Variants in PRPF6 observed in about 807,000 individuals in gnomAD.
The protein encoded by PRPF6 is pre-mRNA-processing factor 6.
PRPF6 carries 42 observed loss-of-function variants against 118.3 expected under a neutral mutation model. The observed-to-expected ratio is 0.35, with a 90% CI of 0.28 to 0.46. PRPF6 has a LOEUF of 0.46. Among genes scored for constraint, PRPF6 ranks in the 20% least tolerant of loss-of-function variants. PRPF6 has a pLI of 1.00. For synonymous variants in PRPF6, 481 were observed against 485.1 expected (o/e 0.99, Z 0.11); for missense variants, 662 against 1,255.7 (o/e 0.53, Z 7.15).
chr20:64,025,505 C>T (rs956668959), intron 14 of PRPF6, among the ~76,000 whole-genome samples: 1 of 152,252 alleles, frequency 6.6e-6, no homozygotes, highest in African/African-American at 2.4e-5. Context: ...GTCCTCTCTC[C>T]TGCCCATGTG....
intron 3 of PRPF6, among the ~76,000 whole-genome samples, chr20:63,992,521 C>T (rs987434597): frequency 6.6e-5 from 10 of 151,634 alleles, no homozygotes; most frequent in African/African-American, 2.2e-4. Context: ...CCTCCCAAAG[C>T]GTTGGGATTA....
chr20:64,005,458 C>T (rs947840219), intron 9 of PRPF6, among the ~76,000 whole-genome samples: 3 of 152,154 alleles, frequency 2.0e-5, no homozygotes, highest in Admixed American at 6.6e-5. Context: ...ACAACTGGGT[C>T]GTTCTGTGTC....
intron 8 of PRPF6, 30 bp from the exon 9 acceptor site, chr20:64,001,047 G>T: frequency 2.5e-6 from 4 of 1,612,548 alleles, no homozygotes; most frequent in Non-Finnish European, 3.4e-6. Context: ...CCTGCACTGA[G>T]CCTTATTGGT....
Position 64,028,533 on chromosome 20 carries a change from C to G in PRPF6, c.2395C>G (p.Leu799Val), listed in dbSNP as rs1420577204. The G allele has an allele frequency of 6.2e-7, 1 of 1,613,824 alleles. No individual in the cohort carries two copies. Among genetic ancestry groups the G allele is most frequent in the Non-Finnish European group, 8.5e-7 (1 of 1,180,012 alleles). Residue 799 changes from leucine to valine, a missense_variant, in exon 18 of 21, where the codon CTC becomes GTC. This residue lies in a region of PRPF6 where 244 missense variants were observed against 383.7 expected (regional missense o/e 0.64). Coordinates refer to ENST00000266079, the MANE Select transcript of PRPF6 (RefSeq NM_012469.4). The surrounding 1 kb of genome is among the most constrained non-coding windows in gnomAD (Gnocchi z 6.5). ...RAGLKNIANT[L>V]MAKALQECPN... ...GGGGCTGAAGAACATCGCAAATACA[C>G]TCATGGCCAAGGCGCTGCAGGAGTG...
intron 11 of PRPF6, among the ~76,000 whole-genome samples, chr20:64,014,282 G>A (rs544333067): frequency 6.6e-6 from 1 of 151,984 alleles, no homozygotes; most frequent in South Asian, 2.1e-4. Flanking sequence ...TTTTTTTCTG[G>A]ACATTTTATA....
Position 64,028,485 on chromosome 20 carries a change from TCCGTGCGGCTGGAGTA to T in PRPF6, c.2356_2371del (p.Leu786GlyfsTer2), listed in dbSNP as rs747473838. 19 of 1,613,588 alleles carry T rather than the reference TCCGTGCGGCTGGAGTA, an allele frequency of 1.2e-5. No homozygotes were observed. Among genetic ancestry groups the T allele is most frequent in the African/African-American group, 5.3e-5 (4 of 74,836 alleles). ...GGGGGCCTGTCTCCTCAGGTTGGAGTCCGTGCGGCTGGAGTACCGTGCGGGGCTGAAGAACATCGCA... is the reference window on the plus strand; with the variant it reads ...GGGGGCCTGTCTCCTCAGGTTGGAGTCCGTGCGGGGCTGAAGAACATCGCA... On this transcript the variant is annotated frameshift_variant, in exon 18 of 21. Coordinates refer to ENST00000266079, the MANE Select transcript of PRPF6 (RefSeq NM_012469.4). LOFTEE classifies it high-confidence loss of function. The surrounding 1 kb of genome is among the most constrained non-coding windows in gnomAD (Gnocchi z 6.5).
At chr20:64,013,879 T>G (rs533670506) in intron 11 of PRPF6, among the ~76,000 whole-genome samples, 1 of 152,272 alleles carries the variant, frequency 6.6e-6, no homozygotes, top group South Asian at 2.1e-4. Flanking sequence ...CAGAAAGAAA[T>G]CCTGTGTCCG....
chr20:63,992,548 C>T (rs149569380), intron 3 of PRPF6, among the ~76,000 whole-genome samples: 35 of 152,222 alleles, frequency 2.3e-4, no homozygotes, highest in African/African-American at 7.5e-4. Context: ...TAAGCCACCA[C>T]GCCTGGCCTT....
intron 3 of PRPF6, among the ~76,000 whole-genome samples, chr20:63,992,195 C>T (rs921977441): frequency 3.9e-5 from 6 of 152,168 alleles, no homozygotes; most frequent in African/African-American, 1.2e-4. Context: ...AGATGATTCT[C>T]CTGCCTCAGT....
chr20:63,981,431 A>T (rs1388904165), intron 1 of PRPF6, 115 bp downstream of exon 1: 3 of 1,020,296 alleles, frequency 2.9e-6, no homozygotes, highest in Middle Eastern at 2.6e-4. Context: ...CGCTTGGTGG[A>T]TCGGCTTAAT....
At chr20:64,004,781 A>T (rs2059182374) in intron 9 of PRPF6, among the ~76,000 whole-genome samples, 1 of 152,118 alleles carries the variant, frequency 6.6e-6, no homozygotes, top group African/African-American at 2.4e-5. Context: ...TCCCCTGGGG[A>T]GGCCCGACTG....
chr20:63,988,537 A>G (rs1013022813), intron 3 of PRPF6, among the ~76,000 whole-genome samples: 2 of 152,068 alleles, frequency 1.3e-5, no homozygotes, highest in African/African-American at 4.8e-5. Context: ...AGTAATTTAC[A>G]GATTCAATGC....
Position 64,028,733 on chromosome 20 carries a change from GT to G in PRPF6, c.2431+167del, listed in dbSNP as rs1156396758. On this transcript the variant is annotated intron_variant, in intron 18 of 20. Coordinates refer to ENST00000266079, the MANE Select transcript of PRPF6 (RefSeq NM_012469.4). The surrounding 1 kb of genome is among the most constrained non-coding windows in gnomAD (Gnocchi z 6.5). ...CAGACGGACTTTATTAAAATGTGTA[GT>G]TTGTGTGAATCATTTCAGTCAAAAG... Among the ~76,000 whole-genome samples the G allele has an allele frequency of 6.6e-6, 1 of 152,194 alleles. No homozygotes were observed. Among genetic ancestry groups the G allele is most frequent in the Admixed American group, 6.5e-5 (1 of 15,276 alleles).
In PRPF6 at chr20:64,028,805, C is replaced by T. The variant is rs2059302832; in HGVS notation, c.2431+236C>T. On this transcript the variant is annotated intron_variant, in intron 18 of 20. Transcript: ENST00000266079. The surrounding 1 kb of genome is among the most constrained non-coding windows in gnomAD (Gnocchi z 6.5). ...TAAGACAACTTAATGAAATTCTTGG[C>T]CTCAAAATGGGAGAATTTGATTTCA... Among the ~76,000 whole-genome samples the T allele has an allele frequency of 6.6e-6, 1 of 152,166 alleles. No homozygotes were observed. Among genetic ancestry groups the T allele is most frequent in the South Asian group, 2.1e-4 (1 of 4,828 alleles).
chr20:64,001,134 G>A lies in PRPF6; in HGVS notation c.1081G>A (p.Val361Met). ...RLQPGDTAKA[V>M]VAQAVRHLPQ... The stretch of plus-strand genomic sequence containing the variant: ...GCAGCCTGGGGACACAGCCAAGGCC[G>A]TGGTAGCCCAAGCTGTCCGTCATCT... Residue 361 changes from valine (V) to methionine (M), a missense_variant, in exon 9 of 21, where the codon GTG (valine) becomes ATG (methionine). Physicochemically the swap from Val to Met is conservative, Grantham distance 21. Transcript: ENST00000266079. 3 of 1,614,194 alleles carry A rather than the reference G, an allele frequency of 1.9e-6. No homozygotes were observed. In the Middle Eastern group the frequency reaches 4.9e-4, roughly 266 times the overall value.
rs183224315 is a variant in PRPF6 at position 64,015,236 on chromosome 20, G to C, written c.1525-1487G>C. 1.8e-4 allele frequency among the ~76,000 whole-genome samples: 28 copies of C among 152,348 alleles called. No homozygotes were observed. In the East Asian group the frequency reaches 5.2e-3, roughly 28 times the overall value. Reference sequence around the variant, plus strand: ...TTGCATTCAGTAGAAACTGTCCATGGAGGAAGAGCCAGCGCAGTTTGCGTT... The same window carrying C: ...TTGCATTCAGTAGAAACTGTCCATGCAGGAAGAGCCAGCGCAGTTTGCGTT... On this transcript the variant is annotated intron_variant, in intron 11 of 20. Transcript: ENST00000266079.
At chr20:63,992,682 T>C (rs2059123967) in intron 3 of PRPF6, among the ~76,000 whole-genome samples, 1 of 152,156 alleles carries the variant, frequency 6.6e-6, no homozygotes, top group Non-Finnish European at 1.5e-5. Context: ...TTTAATGAAT[T>C]TCTACATGTT....
At chr20:63,986,175 T>C (rs974925212) in intron 3 of PRPF6, among the ~76,000 whole-genome samples, 1 of 151,870 alleles carries the variant, frequency 6.6e-6, no homozygotes, top group Non-Finnish European at 1.5e-5. Flanking sequence ...ACCCAGTCTC[T>C]ACTAAAAATA....
chr20:63,984,414 C>CT (rs1239410805), intron 2 of PRPF6, among the ~76,000 whole-genome samples: 2 of 149,948 alleles, frequency 1.3e-5, no homozygotes, highest in Admixed American at 6.7e-5. Context: ...GTGCGAGACT[C>CT]TGTCTCAGAA....
Sources: gnomAD v4.1 joint callset for allele counts (sites outside exome capture counted in the v4.1 genomes callset) on GRCh38, gnomAD v4.1.1 for gene constraint, gnomAD v4.1.1 regional missense constraint, Gnocchi (gnomAD v3.1) non-coding constraint, MANE v1.5 for transcripts, NCBI Gene and HGNC (gene_info 2026-07-23, HGNC 2026-07-21) for gene names.